AKAP1: variants seen among roughly 807,000 people sequenced by gnomAD.
AKAP1 encodes A-kinase anchor protein 1, mitochondrial.
In AKAP1, 32 loss-of-function variants were observed where a neutral mutation model predicts 79.8. The ratio of observed to expected loss-of-function variants is 0.40; its 90% CI spans 0.30 to 0.54. AKAP1 has a LOEUF of 0.54. AKAP1 is among the 20% of genes least tolerant of loss of function. The pLI, the probability that AKAP1 is intolerant of heterozygous loss-of-function variation, is 0.47. For missense variants in AKAP1, 961 were observed against 1,138.9 expected (o/e 0.84, Z 2.25); for synonymous variants, 416 against 466.7 (o/e 0.89, Z 1.40).
chr17:57,120,412 C>T lies in AKAP1; in HGVS notation c.*88C>T. 1.7e-6 allele frequency: 2 copies of T among 1,171,230 alleles called. No homozygotes were observed. Among genetic ancestry groups the T allele is most frequent in the Non-Finnish European group, 2.5e-6 (2 of 804,962 alleles). 72.6% of individuals were successfully genotyped at this position (1,171,230 alleles called of 1,614,324 possible). A position where few individuals can be genotyped will look rare whatever the true frequency, so the allele number is the denominator to read the frequency against. On this transcript the variant is annotated 3_prime_UTR_variant, in exon 11 of 11. Transcript: ENST00000337714. ...CAAAGATGAACATCGGAATAACAAACATTGTCCTCTCCAGAAAGTCCTTTC... is the reference window on the plus strand; with the variant it reads ...CAAAGATGAACATCGGAATAACAAATATTGTCCTCTCCAGAAAGTCCTTTC...
In AKAP1 at chr17:57,114,570, C is replaced by T. The variant is rs778817468; in HGVS notation, c.2215C>T (p.Leu739Phe). 1.2e-6 allele frequency: 2 copies of T among 1,614,224 alleles called. No individual in the cohort carries two copies. Among genetic ancestry groups the T allele is most frequent in the Non-Finnish European group, 1.7e-6 (2 of 1,180,036 alleles). Residue 739 changes from leucine (L) to phenylalanine (F), a missense_variant, in exon 6 of 11, where the codon CTC (leucine) becomes TTC (phenylalanine). Transcript: ENST00000337714. ...CCCTACCTTCCACGCGCTGCGCAGC[C>T]TCGACCAGCAGATGTACCTCTGTTA... ...THPTFHALRS[L>F]DQQMYLCYSQ...
chr17:57,119,883 G>A (rs1471954115), intron 10 of AKAP1, among the ~76,000 whole-genome samples: 1 of 101,620 alleles, frequency 9.8e-6, no homozygotes, highest in African/African-American at 4.1e-5. Flanking sequence ...CCAGGCTGGA[G>A]TGCAGTGGCG....
At position 57,104,530 on chromosome 17, in the gene AKAP1, C is replaced by T. The variant is rs564143140; in HGVS notation, c.-24-911C>T. 3.3e-5 allele frequency among the ~76,000 whole-genome samples: 5 copies of T among 152,302 alleles called. No individual in the cohort carries two copies. In the East Asian group the frequency reaches 9.6e-4, roughly 29 times the overall value. ...CTAATGCACCTAACCTACTGAACAC[C>T]ATAGTTTAGCCTAGGCTACTTTACA... On this transcript the variant is annotated intron_variant, in intron 1 of 10. Transcript: ENST00000337714.
chr17:57,086,076 T>G lies in AKAP1; in HGVS notation c.-25+678T>G. On this transcript the variant is annotated intron_variant, in intron 1 of 10. Coordinates refer to ENST00000337714, the MANE Select transcript of AKAP1 (RefSeq NM_003488.4). The surrounding 1 kb of genome is among the most constrained non-coding windows in gnomAD (Gnocchi z 5.1). ...TTCGAACCGAATTGGGGTCTGGAGG[T>G]CGGAGGCTCAGGGGCGTCTCGGGGG... is the stretch of plus-strand genomic sequence containing the variant. The G allele has an allele frequency of 8.8e-6, 2 of 228,080 alleles. No individual in the cohort carries two copies. Among genetic ancestry groups the G allele is most frequent in the Non-Finnish European group, 1.8e-5 (2 of 111,536 alleles). The allele number at this position is 228,080 out of a possible 1,614,324, so 14.1% of individuals were successfully genotyped here. A position where few individuals can be genotyped will look rare whatever the true frequency, so the allele number is the denominator to read the frequency against.
In AKAP1 at chr17:57,105,577, A is replaced by G; in HGVS notation, c.113A>G (p.Glu38Gly). ...RKKGHVSSHD[E>G]QQVEAGAVQL... ...AAAGGCCATGTCAGCAGCCATGATGAGCAGCAGGTGGAGGCTGGTGCTGTG... is the reference window on the plus strand; with the variant it reads ...AAAGGCCATGTCAGCAGCCATGATGGGCAGCAGGTGGAGGCTGGTGCTGTG... The change falls in exon 2 of 11, where the codon GAG becomes GGG. Residue 38 changes from glutamate to glycine, a missense_variant. Glu to Gly is a moderately conservative substitution (Grantham distance 98). Around this residue, in one of 3 missense-constraint regions of AKAP1, gnomAD observed 108 missense variants for 147.6 expected, o/e 0.73. Transcript: ENST00000337714. 6.2e-7 allele frequency: 1 copy of G among 1,614,104 alleles called. No individual in the cohort carries two copies. The highest frequency in any genetic ancestry group is 2.2e-5 in the East Asian group (1 of 44,868).
chr17:57,112,350 T>C (rs1051277756), intron 4 of AKAP1, 141 bp from the exon 5 acceptor site: 1 of 980,614 alleles, frequency 1.0e-6, no homozygotes, highest in Non-Finnish European at 1.5e-6. Flanking sequence ...AAAGCAGAGC[T>C]TAAGTGTTTT....
At position 57,099,660 on chromosome 17, in the gene AKAP1, G is replaced by A. The variant is rs74322890; in HGVS notation, c.-24-5781G>A. Among the ~76,000 whole-genome samples, 994 of 152,290 alleles carry A rather than the reference G, an allele frequency of 6.5e-3. 5 individuals carry two copies. Among genetic ancestry groups the A allele is most frequent in the African/African-American group, 0.023 (949 of 41,528 alleles). On this transcript the variant is annotated intron_variant, in intron 1 of 10. Coordinates refer to ENST00000337714, the MANE Select transcript of AKAP1 (RefSeq NM_003488.4). ...CTAGAGGTGGTGGTCTGAGGGCTTA[G>A]AGCCTCAGTCTCTGGGGAACAAGCT...
At chr17:57,090,618 G>A (rs1913729942) in intron 1 of AKAP1, among the ~76,000 whole-genome samples, 1 of 152,270 alleles carries the variant, frequency 6.6e-6, no homozygotes, top group Admixed American at 6.5e-5. Flanking sequence ...TCTGACTTAA[G>A]TGTGTTCAGC....
intron 1 of AKAP1, among the ~76,000 whole-genome samples, chr17:57,087,101 G>A (rs972608339): frequency 6.6e-6 from 1 of 152,148 alleles, no homozygotes; most frequent in Non-Finnish European, 1.5e-5. Flanking sequence ...TTGAAATATG[G>A]CCCTAGGTTA....
chr17:57,107,208 T>C lies in AKAP1; in HGVS notation c.1714+30T>C. The C allele has an allele frequency of 4.5e-6, 7 of 1,557,270 alleles. No homozygotes were observed. In the South Asian group the frequency reaches 4.8e-5, roughly 11 times the overall value. The stretch of plus-strand genomic sequence containing the variant: ...GAGGGTCTCGGGTTCGTTTAGAGGA[T>C]GGGGCGCTCCCAGTATTTCTTGGAG... On this transcript the variant is annotated intron_variant, in intron 2 of 10. Coordinates refer to ENST00000337714, the MANE Select transcript of AKAP1 (RefSeq NM_003488.4).
In AKAP1 at chr17:57,085,386, A is replaced by G. The variant is rs113847083; in HGVS notation, c.-37A>G. The G allele has an allele frequency of 0.032, 4,917 of 151,888 alleles. 116 individuals are homozygous for G. The highest frequency in any genetic ancestry group is 0.13 in the Middle Eastern group (37 of 292). 9.4% of individuals were successfully genotyped at this position (151,888 alleles called of 1,614,324 possible). Reference sequence around the variant, plus strand: ...ACTCCGCATCCCGCACCCCGATGGTAGCCGAGGAGCTGGTAGGTCGGGGGC... The same window carrying G: ...ACTCCGCATCCCGCACCCCGATGGTGGCCGAGGAGCTGGTAGGTCGGGGGC... On this transcript the variant is annotated 5_prime_UTR_variant, in exon 1 of 11. Transcript: ENST00000337714.
At chr17:57,098,927 ATTT>A (rs33944971) in intron 1 of AKAP1, among the ~76,000 whole-genome samples, 85 of 146,850 alleles carry the variant, frequency 5.8e-4, no homozygotes, top group African/African-American at 5.6e-4. Context: ...AAGCCCCGCT[ATTT>A]TTTTTTTTTT....
In AKAP1 at chr17:57,114,632, G is replaced by A; in HGVS notation, c.2277G>A (p.Val759=). 1.9e-6 allele frequency: 3 copies of A among 1,613,552 alleles called. No individual in the cohort carries two copies. In the South Asian group the frequency reaches 3.3e-5, roughly 18 times the overall value. The change falls in exon 6 of 11, where the codon GTG becomes GTA. Residue 759 remains valine, a synonymous_variant. Transcript: ENST00000337714. The part of the protein sequence containing the change: ...QPGIPTLPTP[V]EITVICAAPG... ...GAATCCCCACCTTGCCCACCCCAGT[G>A]GAAAGTAAGCAGTGCCCTGAGGGGT...
At chr17:57,107,962 G>A (rs1175257486) in intron 2 of AKAP1, 17 of 1,289,506 alleles carry the variant, frequency 1.3e-5, no homozygotes, top group South Asian at 2.5e-5. Context: ...CTCCACCCCC[G>A]GGAAAGCGGG....
chr17:57,088,350 A>G (rs1450809121), intron 1 of AKAP1, among the ~76,000 whole-genome samples: 1 of 152,228 alleles, frequency 6.6e-6, no homozygotes, highest in Non-Finnish European at 1.5e-5. Context: ...AGTAGGACAG[A>G]GTCTGGCTGG....
intron 1 of AKAP1, chr17:57,101,605 C>G (rs772763733): frequency 2.0e-5 from 3 of 152,154 alleles, no homozygotes; most frequent in Non-Finnish European, 4.4e-5. Flanking sequence ...GCTGGTGCTG[C>G]CTTGGCCTTG....
chr17:57,116,972 G>A, intron 8 of AKAP1, 45 bp downstream of exon 8: 1 of 1,566,936 alleles, frequency 6.4e-7, no homozygotes, highest in Non-Finnish European at 8.8e-7. Flanking sequence ...GGGGACAGTT[G>A]TTGAGAGTAG....
At chr17:57,115,602 G>C (rs1915533727) in intron 6 of AKAP1, among the ~76,000 whole-genome samples, 1 of 152,320 alleles carries the variant, frequency 6.6e-6, no homozygotes, top group Non-Finnish European at 1.5e-5. Context: ...GCACCTTCCA[G>C]AGGCAAAGGC....
chr17:57,106,417 A>G lies in AKAP1; in HGVS notation c.953A>G (p.Asp318Gly). ...TTGGATAGAAATGAGGAGGGCTTGG[A>G]TAGAAATGAGGAGGGCTTGGATAGA... ...ESLDRNEEGL[D>G]RNEEGLDRNE... is the part of the protein sequence containing the mutation. The change falls in exon 2 of 11, where the codon GAT becomes GGT. Residue 318 changes from aspartate to glycine, a missense_variant. Physicochemically the swap from Asp to Gly is moderately conservative, Grantham distance 94. This residue lies in a region of AKAP1 where 629 missense variants were observed against 781.1 expected (regional missense o/e 0.81). Coordinates refer to ENST00000337714, the MANE Select transcript of AKAP1 (RefSeq NM_003488.4). 6.7e-7 allele frequency: 1 copy of G among 1,482,354 alleles called. No homozygotes were observed. Among genetic ancestry groups the G allele is most frequent in the South Asian group, 1.1e-5 (1 of 87,100 alleles). 91.8% of individuals were successfully genotyped at this position (1,482,354 alleles called of 1,614,324 possible). A position where few individuals can be genotyped will look rare whatever the true frequency, so the allele number is the denominator to read the frequency against.
Sources: gnomAD v4.1 joint callset for allele counts (sites outside exome capture counted in the v4.1 genomes callset) on GRCh38, gnomAD v4.1.1 for gene constraint, gnomAD v4.1.1 regional missense constraint, Gnocchi (gnomAD v3.1) non-coding constraint, MANE v1.5 for transcripts, NCBI Gene and HGNC (gene_info 2026-07-23, HGNC 2026-07-21) for gene names.